MAMDC2: variants seen among roughly 807,000 people sequenced by gnomAD.
The protein encoded by MAMDC2 is MAM domain-containing protein 2.
In MAMDC2, 57 loss-of-function variants were observed where a neutral mutation model predicts 89.8. The observed-to-expected ratio is 0.63, with a 90% confidence interval of 0.51 to 0.79. MAMDC2 has a LOEUF of 0.79. Among genes scored for constraint, MAMDC2 ranks in the 30% least tolerant of loss-of-function variants. MAMDC2 has a pLI of 0.00. For synonymous variants in MAMDC2, 313 were observed against 293.4 expected, an observed-to-expected ratio of 1.07 and a Z score of -0.68; for missense variants, 800 against 820.6, an observed-to-expected ratio of 0.97 and a Z score of 0.31.
chr9:70,205,023 G>A (rs535991199), intron 11 of MAMDC2, among the ~76,000 whole-genome samples: 5 of 152,306 alleles, frequency 3.3e-5, no homozygotes, highest in Admixed American at 6.5e-5. Context: ...CTTCTGCCTC[G>A]CTCACGCTGG....
chr9:70,125,534 A>G (rs528648921), intron 5 of MAMDC2, among the ~76,000 whole-genome samples: 24 of 152,230 alleles, frequency 1.6e-4, no homozygotes, highest in Non-Finnish European at 3.1e-4. Context: ...GAGCCCACAA[A>G]GACCTGCCAA....
At chr9:70,184,383 A>G (rs1347898016) in intron 11 of MAMDC2, among the ~76,000 whole-genome samples, 1 of 152,058 alleles carries the variant, frequency 6.6e-6, no homozygotes, top group African/African-American at 2.4e-5. Flanking sequence ...CTCATGGAGT[A>G]TCTTAGTGGT....
At chr9:70,219,004 T>G (rs1445452156) in intron 12 of MAMDC2, among the ~76,000 whole-genome samples, 2 of 152,204 alleles carry the variant, frequency 1.3e-5, no homozygotes, top group Admixed American at 6.5e-5. Context: ...GCCTTAAGCC[T>G]CTATTTAACA....
intron 8 of MAMDC2, 106 bp from the exon 9 acceptor site, chr9:70,143,448 A>AT: frequency 1.6e-6 from 2 of 1,268,864 alleles, no homozygotes; most frequent in Non-Finnish European, 2.2e-6. Context: ...CATTTAAAGC[A>AT]TAGCTGATAG....
intron 9 of MAMDC2, chr9:70,154,353 A>G (rs2031676866): frequency 6.6e-6 from 1 of 152,162 alleles, no homozygotes; most frequent in Non-Finnish European, 1.5e-5. Flanking sequence ...CCATCAAAGG[A>G]AAAAGGAAGA....
intron 2 of MAMDC2, chr9:70,083,048 C>T (rs1029229861): frequency 1.3e-5 from 2 of 152,162 alleles, no homozygotes; most frequent in African/African-American, 4.8e-5. Flanking sequence ...TGTTTAGCGC[C>T]TAGCATCTCC....
chr9:70,132,386 C>T (rs909937126), intron 7 of MAMDC2, among the ~76,000 whole-genome samples: 10 of 152,064 alleles, frequency 6.6e-5, no homozygotes, highest in African/African-American at 2.4e-4. Context: ...ATGGTCACCC[C>T]GCCTTATTAG....
chr9:70,086,708 T>G (rs939295708), intron 2 of MAMDC2: 5 of 152,170 alleles, frequency 3.3e-5, no homozygotes, highest in African/African-American at 1.2e-4. Context: ...GTTTTTGACC[T>G]TGGCTTCTGG....
chr9:70,055,454 A>G (rs2118004044), intron 2 of MAMDC2, among the ~76,000 whole-genome samples: 1 of 152,302 alleles, frequency 6.6e-6, no homozygotes, highest in East Asian at 1.9e-4. Context: ...AGTGGTCCTA[A>G]TTCACTTGGA....
chr9:70,169,257 C>T (rs1373253747), intron 10 of MAMDC2, among the ~76,000 whole-genome samples: 2 of 152,052 alleles, frequency 1.3e-5, no homozygotes, highest in Admixed American at 6.6e-5. Context: ...GACAGTGGAA[C>T]AATAGACCAA....
chr9:70,101,907 C>G (rs1828207001), intron 2 of MAMDC2, among the ~76,000 whole-genome samples: 2 of 152,188 alleles, frequency 1.3e-5, no homozygotes, highest in African/African-American at 2.4e-5. Flanking sequence ...TATACATTGT[C>G]AAAATTGCTC....
rs1369657477 is a variant in MAMDC2 at position 70,211,587 on chromosome 9, ATTAG to A, written c.1652-6746_1652-6743del. Among the ~76,000 whole-genome samples the A allele has an allele frequency of 4.6e-5, 7 of 151,372 alleles. 1 individual carries two copies. The highest frequency in any genetic ancestry group is 4.6e-4 in the Admixed American group (7 of 15,186). Reference sequence around the variant, plus strand: ...TGGGTTCAAACATCCACCTTTAGCTATTAGTTATTACCGATCGTCTGAAGCCTTC... The same window carrying A: ...TGGGTTCAAACATCCACCTTTAGCTATTATTACCGATCGTCTGAAGCCTTC... On this transcript the variant is annotated intron_variant, in intron 11 of 13. Transcript: ENST00000377182.
intron 11 of MAMDC2, among the ~76,000 whole-genome samples, chr9:70,179,780 T>G (rs189969351): frequency 5.1e-4 from 17 of 33,062 alleles, no homozygotes; most frequent in Non-Finnish European, 1.3e-3. Context: ...GACCTCTTTT[T>G]CTAGCAAAAA....
intron 2 of MAMDC2, among the ~76,000 whole-genome samples, chr9:70,048,440 A>G (rs915034656): frequency 6.6e-6 from 1 of 152,084 alleles, no homozygotes; most frequent in African/African-American, 2.4e-5. Flanking sequence ...TCTACTCAGG[A>G]GGCATGTGCT....
intron 11 of MAMDC2, 105 bp downstream of exon 11, chr9:70,170,736 A>C: frequency 8.9e-7 from 1 of 1,117,480 alleles, no homozygotes; most frequent in Non-Finnish European, 1.2e-6. Flanking sequence ...TCTTGTGTCT[A>C]TAATGAAATG....
chr9:70,089,614 G>T (rs1474771984), intron 2 of MAMDC2, among the ~76,000 whole-genome samples: 2 of 152,120 alleles, frequency 1.3e-5, no homozygotes, highest in African/African-American at 4.8e-5. Flanking sequence ...AGAGAAAAGA[G>T]TGAAGAAATG....
chr9:70,211,656 T>C (rs1404840554), intron 11 of MAMDC2, among the ~76,000 whole-genome samples: 1 of 152,232 alleles, frequency 6.6e-6, no homozygotes, highest in Admixed American at 6.5e-5. Context: ...TCCAGCTTTG[T>C]TCCGTTACTG....
intron 9 of MAMDC2, among the ~76,000 whole-genome samples, chr9:70,156,917 C>T (rs1348008597): frequency 6.6e-6 from 1 of 152,188 alleles, no homozygotes; most frequent in Non-Finnish European, 1.5e-5. Flanking sequence ...ATTAGCACAA[C>T]TGGTAGTTGC....
chr9:70,174,166 T>C (rs139675509), intron 11 of MAMDC2, among the ~76,000 whole-genome samples: 1 of 152,198 alleles, frequency 6.6e-6, no homozygotes, highest in African/African-American at 2.4e-5. Context: ...CATATGACAA[T>C]TAATTATTGC....
Sources: gnomAD v4.1 joint callset for allele counts (sites outside exome capture counted in the v4.1 genomes callset) on GRCh38, gnomAD v4.1.1 for gene constraint, MANE v1.5 for transcripts, NCBI Gene and HGNC (gene_info 2026-07-23, HGNC 2026-07-21) for gene names.